Variants in HRH4 observed in about 807,000 individuals in gnomAD.
HRH4 encodes histamine H4 receptor.
A neutral mutation model predicts 10.4 loss-of-function variants in HRH4; 12 were observed. The ratio of observed to expected loss-of-function variants is 1.15; its 90% confidence interval spans 0.74 to 1.87. HRH4 has a LOEUF of 1.87. Among genes scored for constraint, HRH4 ranks in the 40% most tolerant of loss-of-function variants. The pLI is 0.00. For synonymous variants in HRH4, 154 were observed against 166.6 expected (o/e 0.92, Z 0.58); for missense variants, 415 against 453.3 (o/e 0.92, Z 0.77).
chr18:24,476,720 T>C (rs1046368197), intron 2 of HRH4, 27 bp from the exon 3 acceptor site: 2 of 1,499,652 alleles, frequency 1.3e-6, no homozygotes, highest in Non-Finnish European at 1.8e-6. Context: ...ACATTCATTA[T>C]ATTGAAAATA....
rs534666742 is a variant in HRH4 at position 24,476,661 on chromosome 18, T to A, written c.358-86T>A. The A allele has an allele frequency of 3.3e-5, 34 of 1,020,364 alleles. No individual in the cohort carries two copies. In the African/African-American group the frequency reaches 5.1e-4, roughly 15 times the overall value. 63.2% of individuals were successfully genotyped at this position (1,020,364 alleles called of 1,614,324 possible). On this transcript the variant is annotated intron_variant, in intron 2 of 2. Coordinates refer to ENST00000256906, the MANE Select transcript of HRH4 (RefSeq NM_021624.4). ...AGTTAATGTCTCCATCCTTTGCACA[T>A]CCCTGAAATTTCTAAGGATCTATGA...
Position 24,477,007 on chromosome 18 carries a change from T to C in HRH4, c.618T>C (p.His206=). 1 of 1,614,222 alleles carries C rather than the reference T, an allele frequency of 6.2e-7. No individual in the cohort carries two copies. Among genetic ancestry groups the C allele is most frequent in the Non-Finnish European group, 8.5e-7 (1 of 1,180,030 alleles). Residue 206 remains histidine (H), a synonymous_variant, in exon 3 of 3, where the codon CAT becomes CAC. Transcript: ENST00000256906. ...NIYWSLWKRD[H]LSRCQSHPGL... ...ATTGGAGCCTGTGGAAGCGTGATCA[T>C]CTCAGTAGGTGCCAAAGCCATCCTG...
chr18:24,477,042 C>G lies in HRH4; in HGVS notation c.653C>G (p.Ala218Gly). The G allele has an allele frequency of 1.2e-6, 2 of 1,614,218 alleles. No homozygotes were observed. The highest frequency in any genetic ancestry group is 1.7e-6 in the Non-Finnish European group (2 of 1,180,032). ...TGCCAAAGCCATCCTGGACTGACTG[C>G]TGTCTCTTCCAACATCTGTGGACAC... ...SRCQSHPGLTAVSSNICGHSF... is the reference protein window; with the variant it reads ...SRCQSHPGLTGVSSNICGHSF... The change falls in exon 3 of 3, where the codon GCT (alanine) becomes GGT (glycine). Residue 218 changes from alanine (A) to glycine (G), a missense_variant. Coordinates refer to ENST00000256906, the MANE Select transcript of HRH4 (RefSeq NM_021624.4).
intron 1 of HRH4, among the ~76,000 whole-genome samples, chr18:24,462,144 A>C (rs1199472244): frequency 6.6e-6 from 1 of 152,230 alleles, no homozygotes; most frequent in Non-Finnish European, 1.5e-5. Flanking sequence ...AAGAATGAGC[A>C]AAGGCATGCT....
At chr18:24,469,799 G>GT (rs767375078) in intron 2 of HRH4, among the ~76,000 whole-genome samples, 8 of 152,068 alleles carry the variant, frequency 5.3e-5, no homozygotes, top group Admixed American at 2.0e-4. Context: ...ATGTGTGCAG[G>GT]TTTTTTTACA....
In HRH4 at chr18:24,476,950, C is replaced by T. The variant is rs748784371; in HGVS notation, c.561C>T (p.Val187=). ...ITSFLEFVIP[V]ILVAYFNMNI... The stretch of plus-strand genomic sequence containing the variant: ...CATTCTTGGAATTCGTGATCCCAGT[C>T]ATCTTAGTCGCTTATTTCAACATGA... The change falls in exon 3 of 3, where the codon GTC becomes GTT. Residue 187 remains valine (V), a synonymous_variant. Transcript: ENST00000256906. 1 of 1,614,162 alleles carries T rather than the reference C, an allele frequency of 6.2e-7. No individual in the cohort carries two copies. Among genetic ancestry groups the T allele is most frequent in the South Asian group, 1.1e-5 (1 of 91,078 alleles).
chr18:24,469,632 C>A (rs1206428273), intron 2 of HRH4, among the ~76,000 whole-genome samples: 1 of 152,132 alleles, frequency 6.6e-6, no homozygotes, highest in Non-Finnish European at 1.5e-5. Context: ...ACCTTTGAGG[C>A]CTAGATAGGA....
chr18:24,468,812 T>A lies in HRH4; in HGVS notation c.218T>A (p.Ile73Asn). 1 of 1,613,818 alleles carries A rather than the reference T, an allele frequency of 6.2e-7. No individual in the cohort carries two copies. Among genetic ancestry groups the A allele is most frequent in the Non-Finnish European group, 8.5e-7 (1 of 1,179,880 alleles). Reference sequence around the variant, plus strand: ...GGTGTGATCTCCATTCCTTTGTACATCCCTCACACGCTGTTCGAATGGGAT... The same window carrying A: ...GGTGTGATCTCCATTCCTTTGTACAACCCTCACACGCTGTTCGAATGGGAT... ...FVGVISIPLY[I>N]PHTLFEWDFG... is the part of the protein sequence containing the mutation. The change falls in exon 2 of 3, where the codon ATC becomes AAC. Residue 73 changes from isoleucine (I) to asparagine (N), a missense_variant. Coordinates refer to ENST00000256906, the MANE Select transcript of HRH4 (RefSeq NM_021624.4).
Position 24,477,186 on chromosome 18 carries a change from A to T in HRH4, c.797A>T (p.Lys266Met). Reference sequence around the variant, plus strand: ...AGTCTCATGTTTTCCTCAAGAACCAAGATGAATAGCAATACAATTGCTTCC... The same window carrying T: ...AGTCTCATGTTTTCCTCAAGAACCATGATGAATAGCAATACAATTGCTTCC... The part of the protein sequence containing the change: ...KSSLMFSSRT[K>M]MNSNTIASKM... Residue 266 changes from lysine (K) to methionine (M), a missense_variant, in exon 3 of 3, where the codon AAG becomes ATG. Lys to Met is a moderately conservative substitution (Grantham distance 95, BLOSUM62 -1). Coordinates refer to ENST00000256906, the MANE Select transcript of HRH4 (RefSeq NM_021624.4). The T allele has an allele frequency of 6.2e-7, 1 of 1,614,246 alleles. No homozygotes were observed. The highest frequency in any genetic ancestry group is 2.2e-5 in the East Asian group (1 of 44,888).
At chr18:24,473,845 G>A (rs761374095) in intron 2 of HRH4, among the ~76,000 whole-genome samples, 3 of 152,182 alleles carry the variant, frequency 2.0e-5, no homozygotes, top group South Asian at 4.1e-4. Context: ...TTGACAGAAG[G>A]TGTGGATATT....
Position 24,468,910 on chromosome 18 carries a change from G to C in HRH4, c.316G>C (p.Val106Leu). Reference protein sequence around the residue: ...LLCTASVYNIVLISYDRYLSV... With the variant: ...LLCTASVYNILLISYDRYLSV... ...ATGTACAGCATCTGTATATAACATTGTCCTCATCAGCTATGATCGATACCT... is the reference window on the plus strand; with the variant it reads ...ATGTACAGCATCTGTATATAACATTCTCCTCATCAGCTATGATCGATACCT... Residue 106 changes from valine to leucine, a missense_variant, in exon 2 of 3, where the codon GTC becomes CTC. Physicochemically the swap from Val to Leu is conservative, Grantham distance 32. Coordinates refer to ENST00000256906, the MANE Select transcript of HRH4 (RefSeq NM_021624.4). 6.2e-7 allele frequency: 1 copy of C among 1,611,998 alleles called. No individual in the cohort carries two copies. Among genetic ancestry groups the C allele is most frequent in the African/African-American group, 1.3e-5 (1 of 74,920 alleles).
At chr18:24,466,177 A>G (rs1334767735) in intron 1 of HRH4, among the ~76,000 whole-genome samples, 2 of 151,418 alleles carry the variant, frequency 1.3e-5, no homozygotes, top group Admixed American at 6.6e-5. Context: ...CAGTGGCGTG[A>G]TCATGGCTCA....
At chr18:24,468,565 C>T (rs748822484) in intron 1 of HRH4, among the ~76,000 whole-genome samples, 1 of 152,090 alleles carries the variant, frequency 6.6e-6, no homozygotes, top group Non-Finnish European at 1.5e-5. Flanking sequence ...ATAAAGAGGG[C>T]CCACTGTGCA....
intron 1 of HRH4, among the ~76,000 whole-genome samples, chr18:24,463,051 G>C (rs1175912007): frequency 2.0e-5 from 3 of 152,144 alleles, no homozygotes; most frequent in African/African-American, 7.2e-5. Context: ...GGGTGGGAAG[G>C]GTGAGACAGC....
intron 1 of HRH4, among the ~76,000 whole-genome samples, chr18:24,466,105 T>TTA (rs946022973): frequency 4.6e-5 from 7 of 151,130 alleles, no homozygotes; most frequent in East Asian, 1.9e-4. Flanking sequence ...CTATATTATT[T>TTA]TATATATATA....
At position 24,479,410 on chromosome 18, in the gene HRH4, A is replaced by G. The variant is rs1249233299; in HGVS notation, c.*1848A>G. 1 of 152,184 alleles carries G rather than the reference A, an allele frequency of 6.6e-6. No homozygotes were observed. Among genetic ancestry groups the G allele is most frequent in the Non-Finnish European group, 1.5e-5 (1 of 68,038 alleles). 9.4% of individuals were successfully genotyped at this position (152,184 alleles called of 1,614,324 possible). On this transcript the variant is annotated 3_prime_UTR_variant, in exon 3 of 3. Coordinates refer to ENST00000256906, the MANE Select transcript of HRH4 (RefSeq NM_021624.4). ...GGTTAGCATAGGTTATACTTTGCTG[A>G]CGATTCACATTTTATTAGTTTGGTT...
intron 1 of HRH4, among the ~76,000 whole-genome samples, chr18:24,463,193 T>C (rs1221132374): frequency 2.0e-5 from 3 of 152,206 alleles, no homozygotes; most frequent in Non-Finnish European, 4.4e-5. Context: ...AAAATGGCCC[T>C]GCAGATGTAG....
intron 2 of HRH4, among the ~76,000 whole-genome samples, chr18:24,470,335 T>C (rs953087541): frequency 6.6e-6 from 1 of 152,144 alleles, no homozygotes; most frequent in East Asian, 1.9e-4. Flanking sequence ...AAGAGCCAGA[T>C]AGCAAATAAT....
chr18:24,462,633 G>A (rs966413366), intron 1 of HRH4, among the ~76,000 whole-genome samples: 1 of 152,322 alleles, frequency 6.6e-6, no homozygotes, highest in Non-Finnish European at 1.5e-5. Flanking sequence ...GGGCAGGACA[G>A]CTCTGGTTCT....
Sources: gnomAD v4.1 joint callset for allele counts (sites outside exome capture counted in the v4.1 genomes callset) on GRCh38, gnomAD v4.1.1 for gene constraint, MANE v1.5 for transcripts, NCBI Gene and HGNC (gene_info 2026-07-23, HGNC 2026-07-21) for gene names.